Variants in SLC38A1 observed in about 807,000 individuals in gnomAD.
SLC38A1 encodes the protein solute carrier family 38 member 1.
SLC38A1 carries 18 observed loss-of-function variants against 60.3 expected under a neutral mutation model. The observed-to-expected ratio is 0.30, with a 90% CI of 0.21 to 0.44. The LOEUF (loss-of-function observed/expected upper bound fraction) is 0.44. Ranked by LOEUF, SLC38A1 falls within the 20% of genes least tolerant of loss-of-function variation. The pLI, the probability that SLC38A1 is intolerant of heterozygous loss-of-function variation, is 1.00. For synonymous variants in SLC38A1, 196 were observed against 212.1 expected, an observed-to-expected ratio of 0.92 and a Z score of 0.66; for missense variants, 448 against 587.2, an observed-to-expected ratio of 0.76 and a Z score of 2.45.
At chr12:46,201,643 T>TG (rs1404993444) in intron 12 of SLC38A1, among the ~76,000 whole-genome samples, 1 of 151,960 alleles carries the variant, frequency 6.6e-6, no homozygotes. Flanking sequence ...TCCCATTGGG[T>TG]GGCCTCAGGG....
In SLC38A1 at chr12:46,229,251, G is replaced by A; in HGVS notation, c.216C>T (p.Ser72=). 1.9e-6 allele frequency: 3 copies of A among 1,611,970 alleles called. No homozygotes were observed. Among genetic ancestry groups the A allele is most frequent in the Non-Finnish European group, 2.5e-6 (3 of 1,178,428 alleles). The change falls in exon 5 of 17, where the codon TCC becomes TCT. Residue 72 remains serine, a synonymous_variant. Coordinates refer to ENST00000398637, the MANE Select transcript of SLC38A1 (RefSeq NM_030674.4). The stretch of plus-strand genomic sequence containing the variant: ...TTAGGTTAAAAACAGACATGCCTAA[G>A]GAGGTTGTACCTGGAATCTGAACAA... ...KCDEYIPGTT[S]LGMSVFNLSN...
chr12:46,235,539 T>C (rs926760165), intron 3 of SLC38A1, among the ~76,000 whole-genome samples: 1 of 151,460 alleles, frequency 6.6e-6, no homozygotes, highest in African/African-American at 2.4e-5. Flanking sequence ...CCACTGAAAA[T>C]AGGAAAAAAA....
In SLC38A1 at chr12:46,186,949, A is replaced by G. The variant is rs1938958362; in HGVS notation, c.*2021T>C. ...ACTTGGTGCTCTAGACAAGCTCCCA[A>G]GAACTGACTGGATCTTGGCTTGTTC... On this transcript the variant is annotated 3_prime_UTR_variant, in exon 17 of 17. Transcript: ENST00000398637. 2.0e-5 allele frequency: 3 copies of G among 152,246 alleles called. No individual in the cohort carries two copies. The highest frequency in any genetic ancestry group is 1.3e-4 in the Admixed American group (2 of 15,286). 9.4% of individuals were successfully genotyped at this position (152,246 alleles called of 1,614,324 possible).
In SLC38A1 at chr12:46,268,312, C is replaced by T. The variant is rs1250459827; in HGVS notation, c.-209+214G>A. ...CCCACGCAAAGGTGAACTCGGGGGC[C>T]CTGGCGCTTCCTCCCGCTGCCGCGT... is the stretch of plus-strand genomic sequence containing the variant. On this transcript the variant is annotated intron_variant, in intron 1 of 16. Transcript: ENST00000398637. The surrounding 1 kb of genome is among the most constrained non-coding windows in gnomAD (Gnocchi z 4.4). Among the ~76,000 whole-genome samples, 1 of 152,164 alleles carries T rather than the reference C, an allele frequency of 6.6e-6. No homozygotes were observed. Among genetic ancestry groups the T allele is most frequent in the Non-Finnish European group, 1.5e-5 (1 of 68,024 alleles).
rs1351168378 is a variant in SLC38A1, at chr12:46,186,693, C to T, written c.*2277G>A. ...ACACAGATCAACAACACTGTGCCTC[C>T]TCTAAATAAATCTATTTTAAATAAA... On this transcript the variant is annotated 3_prime_UTR_variant, in exon 17 of 17. Coordinates refer to ENST00000398637, the MANE Select transcript of SLC38A1 (RefSeq NM_030674.4). 1.3e-5 allele frequency: 2 copies of T among 152,148 alleles called. No individual in the cohort carries two copies. The highest frequency in any genetic ancestry group is 2.4e-5 in the African/African-American group (1 of 41,438). The allele number at this position is 152,148 out of a possible 1,614,324, so 9.4% of individuals were successfully genotyped here.
chr12:46,222,717 G>C (rs1391215532), intron 5 of SLC38A1, among the ~76,000 whole-genome samples: 1 of 152,222 alleles, frequency 6.6e-6, no homozygotes, highest in South Asian at 2.1e-4. Flanking sequence ...AAAATGTTTA[G>C]TTACTTCTTT....
chr12:46,201,214 T>G lies in SLC38A1; in HGVS notation c.903-16A>C. Reference sequence around the variant, plus strand: ...CTGTGATCGGCTAAAAACAAATAAATGTTAAAAATTAAAAATCATATGACT... The same window carrying G: ...CTGTGATCGGCTAAAAACAAATAAAGGTTAAAAATTAAAAATCATATGACT... On this transcript the variant is annotated splice_polypyrimidine_tract_variant and intron_variant, in intron 12 of 16. Coordinates refer to ENST00000398637, the MANE Select transcript of SLC38A1 (RefSeq NM_030674.4). 1 of 1,591,314 alleles carries G rather than the reference T, an allele frequency of 6.3e-7. No individual in the cohort carries two copies. Among genetic ancestry groups the G allele is most frequent in the Non-Finnish European group, 8.6e-7 (1 of 1,163,102 alleles).
chr12:46,236,748 T>C (rs1033303873), intron 3 of SLC38A1, among the ~76,000 whole-genome samples: 2 of 152,202 alleles, frequency 1.3e-5, no homozygotes, highest in African/African-American at 2.4e-5. Context: ...TCTAGAGCTT[T>C]CTACTCAAAG....
At position 46,268,804 on chromosome 12, in the gene SLC38A1, A is replaced by C. The variant is rs1309614904; in HGVS notation, c.-487T>G. 4.8e-6 allele frequency: 2 copies of C among 418,882 alleles called. No homozygotes were observed. The highest frequency in any genetic ancestry group is 2.0e-5 in the African/African-American group (1 of 49,144). 25.9% of individuals were successfully genotyped at this position (418,882 alleles called of 1,614,324 possible). A position where few individuals can be genotyped will look rare whatever the true frequency, so the allele number is the denominator to read the frequency against. ...CTCTCCTCCTTTCCGGGCCGATTGC[A>C]TCAGAATCTCCCCTCACCACCAACC... On this transcript the variant is annotated 5_prime_UTR_variant, in exon 1 of 17. It removes an upstream start codon present in the reference 5' UTR. Transcript: ENST00000398637. This position sits in a 1 kb window ranked among gnomAD's most constrained non-coding sequence, Gnocchi z 4.4.
intron 1 of SLC38A1, among the ~76,000 whole-genome samples, chr12:46,259,795 C>T (rs1179441424): frequency 6.6e-6 from 1 of 152,164 alleles, no homozygotes; most frequent in East Asian, 1.9e-4. Context: ...TCTCTGCCTT[C>T]CCTTCTTGAC....
chr12:46,258,825 T>C (rs2138932181), intron 1 of SLC38A1, among the ~76,000 whole-genome samples: 1 of 152,308 alleles, frequency 6.6e-6, no homozygotes, highest in East Asian at 1.9e-4. Flanking sequence ...AGCTAATTTT[T>C]ATATTTTCAG....
chr12:46,241,056 C>A (rs141257667), intron 2 of SLC38A1, among the ~76,000 whole-genome samples: 2,238 of 152,200 alleles, frequency 0.015, 29 homozygotes, highest in Non-Finnish European at 0.025. Context: ...AATGCAACTT[C>A]AAAAGCAAGG....
chr12:46,232,238 T>C (rs1210895942), intron 3 of SLC38A1, among the ~76,000 whole-genome samples: 1 of 152,032 alleles, frequency 6.6e-6, no homozygotes, highest in Non-Finnish European at 1.5e-5. Context: ...AGAGCTGACA[T>C]TCGGACAAGG....
At position 46,183,575 on chromosome 12, in the gene SLC38A1, T is replaced by A. The variant is rs1235614342; in HGVS notation, c.*5395A>T. 1 of 152,220 alleles carries A rather than the reference T, an allele frequency of 6.6e-6. No homozygotes were observed. Among genetic ancestry groups the A allele is most frequent in the East Asian group, 1.9e-4 (1 of 5,204 alleles). 9.4% of individuals were successfully genotyped at this position (152,220 alleles called of 1,614,324 possible). ...CAGCAATTCAATTGTGAAAAAAACA[T>A]TCTTCTCCCCAGCTTCTGTTTTCAT... On this transcript the variant is annotated 3_prime_UTR_variant, in exon 17 of 17. Transcript: ENST00000398637.
chr12:46,254,570 A>G (rs925320069), intron 1 of SLC38A1, among the ~76,000 whole-genome samples: 1 of 152,204 alleles, frequency 6.6e-6, no homozygotes. Context: ...GAACCCTCAA[A>G]TACCTATGAG....
intron 12 of SLC38A1, among the ~76,000 whole-genome samples, chr12:46,201,661 T>C (rs936842060): frequency 1.3e-5 from 2 of 151,978 alleles, no homozygotes; most frequent in African/African-American, 4.8e-5. Context: ...GGGATGCACC[T>C]GGAAGTCTGT....
At chr12:46,214,929 A>C (rs1940337625) in intron 5 of SLC38A1, among the ~76,000 whole-genome samples, 1 of 152,136 alleles carries the variant, frequency 6.6e-6, no homozygotes, top group Non-Finnish European at 1.5e-5. Flanking sequence ...CATTCCTCCC[A>C]AAAAAAGAGA....
chr12:46,267,565 C>CT (rs1942394668), intron 1 of SLC38A1: 1 of 152,486 alleles, frequency 6.6e-6, no homozygotes, highest in Non-Finnish European at 1.5e-5. Flanking sequence ...GCCGGGTAAC[C>CT]TACTGGGTCC....
intron 4 of SLC38A1, 82 bp downstream of exon 4, chr12:46,229,482 T>C: frequency 3.7e-6 from 4 of 1,084,868 alleles, no homozygotes; most frequent in Non-Finnish European, 5.7e-6. Context: ...ATGCTTTTGG[T>C]ACTATGCTAC....
Sources: allele counts gnomAD v4.1 joint callset (sites outside exome capture counted in the v4.1 genomes callset), GRCh38; gene constraint gnomAD v4.1.1; non-coding constraint Gnocchi (gnomAD v3.1); transcripts MANE v1.5; gene names NCBI Gene and HGNC (gene_info 2026-07-23, HGNC 2026-07-21).